PTPRM: variants seen among roughly 807,000 people sequenced by gnomAD.
PTPRM encodes the protein protein tyrosine phosphatase receptor type M.
A neutral mutation model predicts 186.7 loss-of-function variants in PTPRM; 47 were observed. The ratio of observed to expected loss-of-function variants is 0.25; its 90% CI spans 0.20 to 0.32. The LOEUF is 0.32. Among genes scored for constraint, PTPRM ranks in the 10% least tolerant of loss-of-function variants. PTPRM has a pLI of 1.00. For missense variants in PTPRM, 1,494 were observed against 1,865.0 expected (o/e 0.80, Z 3.66); for synonymous variants, 668 against 674.9 (o/e 0.99, Z 0.16).
intron 1 of PTPRM, among the ~76,000 whole-genome samples, chr18:7,612,320 G>T (rs1236517383): frequency 2.6e-5 from 4 of 152,082 alleles, no homozygotes; most frequent in Admixed American, 6.5e-5. Flanking sequence ...ATTTTCTGAT[G>T]CTTTAAGGAC....
At chr18:7,985,344 C>T (rs1221698066) in intron 7 of PTPRM, among the ~76,000 whole-genome samples, 18 of 115,734 alleles carry the variant, frequency 1.6e-4, no homozygotes, top group African/African-American at 5.4e-4. Context: ...TGTATATACA[C>T]ATAAATATAT....
intron 10 of PTPRM, among the ~76,000 whole-genome samples, 193 bp from the exon 11 acceptor site, chr18:8,088,556 A>C (rs907718382): frequency 5.3e-5 from 8 of 152,212 alleles, no homozygotes; most frequent in Non-Finnish European, 7.3e-5. Context: ...AGAGGACAGT[A>C]TGGGCTGCTT....
At chr18:8,047,390 G>C (rs57135719) in intron 7 of PTPRM, among the ~76,000 whole-genome samples, 4,600 of 152,186 alleles carry the variant, frequency 0.03, 211 homozygotes, top group African/African-American at 0.11. Context: ...TGAAGAATTA[G>C]CTATATGATA....
At chr18:7,770,248 A>G (rs535690228) in intron 1 of PTPRM, among the ~76,000 whole-genome samples, 3 of 152,058 alleles carry the variant, frequency 2.0e-5, no homozygotes, top group Non-Finnish European at 4.4e-5. Context: ...CTTAACATAT[A>G]TTTTTCATTG....
chr18:8,391,579 G>A (rs1170511785), intron 31 of PTPRM, among the ~76,000 whole-genome samples: 1 of 152,216 alleles, frequency 6.6e-6, no homozygotes, highest in Non-Finnish European at 1.5e-5. Context: ...GATTCTCTTT[G>A]GTGATACTGA....
chr18:8,285,623 C>T (rs2094948464), intron 19 of PTPRM, among the ~76,000 whole-genome samples: 1 of 152,240 alleles, frequency 6.6e-6, no homozygotes. Context: ...TCAAGCAGCA[C>T]TGCCTGGCTG....
At chr18:7,840,344 T>C (rs1598991997) in intron 2 of PTPRM, among the ~76,000 whole-genome samples, 1 of 152,204 alleles carries the variant, frequency 6.6e-6, no homozygotes, top group Non-Finnish European at 1.5e-5. Context: ...AGAAAAAAGG[T>C]ATATGTGTGA....
rs1378162542 is a variant in PTPRM at position 8,061,424 on chromosome 18, G to T, written c.1133-8262G>T. 2.2e-5 allele frequency among the ~76,000 whole-genome samples: 3 copies of T among 136,648 alleles called. 1 individual carries two copies. Among genetic ancestry groups the T allele is most frequent in the African/African-American group, 8.9e-5 (3 of 33,822 alleles). 89.6% of individuals were successfully genotyped at this position (136,648 alleles called of 152,430 possible). On this transcript the variant is annotated intron_variant, in intron 7 of 32. Coordinates refer to ENST00000580170, the MANE Select transcript of PTPRM (RefSeq NM_001105244.2). ...ACTCTTAGATCCAACTTGCCAGTGT[G>T]TGTCTTTTAATTGGAGAATTTAGTC...
At chr18:7,888,666 G>GT (rs1176236723) in intron 3 of PTPRM, among the ~76,000 whole-genome samples, 4 of 151,960 alleles carry the variant, frequency 2.6e-5, no homozygotes, top group African/African-American at 7.3e-5. Flanking sequence ...GAGTTCAGGT[G>GT]TTTTTTTGGT....
At chr18:8,103,982 G>T (rs931750450) in intron 11 of PTPRM, among the ~76,000 whole-genome samples, 4 of 152,078 alleles carry the variant, frequency 2.6e-5, no homozygotes, top group Non-Finnish European at 5.9e-5. Context: ...CCAGTGCCAG[G>T]GAGAGAGATG....
chr18:8,020,218 T>C (rs567005309), intron 7 of PTPRM, among the ~76,000 whole-genome samples: 1 of 152,350 alleles, frequency 6.6e-6, no homozygotes, highest in African/African-American at 2.4e-5. Context: ...CAATCTTTTT[T>C]TCGTGCGTGT....
intron 1 of PTPRM, among the ~76,000 whole-genome samples, chr18:7,636,423 T>G (rs1567997029): frequency 6.6e-6 from 1 of 152,218 alleles, no homozygotes; most frequent in Non-Finnish European, 1.5e-5. Context: ...ATTATTGTTC[T>G]ATTTCATTTA....
chr18:7,798,853 A>G (rs2043807435), intron 2 of PTPRM, among the ~76,000 whole-genome samples: 1 of 152,202 alleles, frequency 6.6e-6, no homozygotes, highest in Non-Finnish European at 1.5e-5. Context: ...ATAAATGTAA[A>G]CACATAAACA....
chr18:8,118,063 A>C (rs970122775), intron 13 of PTPRM, among the ~76,000 whole-genome samples: 1 of 152,152 alleles, frequency 6.6e-6, no homozygotes. Context: ...TTCATTGATG[A>C]TCAATTCTAA....
chr18:8,293,458 T>C (rs957128221), intron 19 of PTPRM, among the ~76,000 whole-genome samples: 2 of 152,164 alleles, frequency 1.3e-5, no homozygotes, highest in Admixed American at 6.5e-5. Flanking sequence ...GGGCATTTTC[T>C]GTATGAGTTG....
intron 7 of PTPRM, among the ~76,000 whole-genome samples, chr18:8,005,425 G>A (rs1474300497): frequency 2.0e-5 from 3 of 152,122 alleles, no homozygotes; most frequent in African/African-American, 7.2e-5. Flanking sequence ...CAGAAATATT[G>A]CCTCACTTTG....
At chr18:8,212,126 A>G (rs2094014299) in intron 14 of PTPRM, among the ~76,000 whole-genome samples, 1 of 152,222 alleles carries the variant, frequency 6.6e-6, no homozygotes, top group Non-Finnish European at 1.5e-5. Context: ...CATCTCAAAC[A>G]GTTCAAGTCA....
chr18:7,696,684 C>T (rs893888563), intron 1 of PTPRM, among the ~76,000 whole-genome samples: 1 of 152,210 alleles, frequency 6.6e-6, no homozygotes, highest in Non-Finnish European at 1.5e-5. Flanking sequence ...TCAGTTCATC[C>T]AACAGGTACA....
At chr18:8,264,162 A>G (rs964487336) in intron 19 of PTPRM, among the ~76,000 whole-genome samples, 1 of 152,218 alleles carries the variant, frequency 6.6e-6, no homozygotes, top group Non-Finnish European at 1.5e-5. Context: ...TGCACGTCTG[A>G]TGACAGCAGT....
Sources: allele counts gnomAD v4.1 joint callset (sites outside exome capture counted in the v4.1 genomes callset), GRCh38; gene constraint gnomAD v4.1.1; transcripts MANE v1.5; gene names NCBI Gene and HGNC (gene_info 2026-07-23, HGNC 2026-07-21).